IQGAP2: variants seen among roughly 807,000 people sequenced by gnomAD.
IQGAP2 encodes ras GTPase-activating-like protein IQGAP2.
Under a neutral mutation model 201.3 loss-of-function variants are expected in IQGAP2, and 173 were observed. That is an observed-to-expected ratio of 0.86 (90% CI 0.76 to 0.98). The LOEUF (loss-of-function observed/expected upper bound fraction) is 0.98. Ranked by LOEUF, IQGAP2 falls within the 50% of genes least tolerant of loss-of-function variation. IQGAP2 has a pLI of 0.00. For missense variants in IQGAP2, 1,687 were observed against 1,864.8 expected, an observed-to-expected ratio of 0.90 and a Z score of 1.76; for synonymous variants, 675 against 673.9, an observed-to-expected ratio of 1.00 and a Z score of -0.03.
chr5:76,685,086 C>T (rs1031498840), intron 30 of IQGAP2, among the ~76,000 whole-genome samples: 7 of 152,116 alleles, frequency 4.6e-5, no homozygotes, highest in Non-Finnish European at 8.8e-5. Flanking sequence ...GAGCACAGTT[C>T]GACAGTAGGA....
intron 20 of IQGAP2, among the ~76,000 whole-genome samples, chr5:76,656,192 T>C (rs949823849): frequency 1.3e-5 from 2 of 149,426 alleles, no homozygotes; most frequent in African/African-American, 5.0e-5. Flanking sequence ...TTGGGGTTTT[T>C]TGTTGGTTTT....
At chr5:76,575,566 A>C in intron 4 of IQGAP2, 127 bp from the exon 5 acceptor site, 3 of 509,484 alleles carry the variant, frequency 5.9e-6, no homozygotes, top group Non-Finnish European at 6.9e-6. Flanking sequence ...AAGCAATGGC[A>C]GAGAGGTTCC....
At chr5:76,432,420 C>T (rs1343910547) in intron 1 of IQGAP2, among the ~76,000 whole-genome samples, 1 of 152,132 alleles carries the variant, frequency 6.6e-6, no homozygotes, top group Non-Finnish European at 1.5e-5. Context: ...CCACCATGCT[C>T]AGCCCAGGCT....
At chr5:76,597,159 A>G (rs1355626728) in intron 9 of IQGAP2, 3 of 379,498 alleles carry the variant, frequency 7.9e-6, no homozygotes, top group Non-Finnish European at 1.4e-5. Flanking sequence ...AGCTGGTCCT[A>G]TAAGGAAGGA....
At chr5:76,554,130 G>T (rs1743747201) in intron 2 of IQGAP2, among the ~76,000 whole-genome samples, 2 of 152,166 alleles carry the variant, frequency 1.3e-5, no homozygotes, top group African/African-American at 4.8e-5. Flanking sequence ...AACTGGTGGT[G>T]CTGGGACAAC....
chr5:76,436,414 G>GT (rs1370726710), intron 1 of IQGAP2, among the ~76,000 whole-genome samples: 5 of 129,642 alleles, frequency 3.9e-5, no homozygotes, highest in African/African-American at 1.4e-4. Flanking sequence ...TTTGTTGAGG[G>GT]TTTTTATCAT....
At chr5:76,572,448 G>A (rs189149696) in intron 4 of IQGAP2, among the ~76,000 whole-genome samples, 2 of 152,130 alleles carry the variant, frequency 1.3e-5, no homozygotes, top group African/African-American at 2.4e-5. Context: ...ACAGGCGTGA[G>A]CCACTGCACC....
chr5:76,533,052 T>C (rs1453611619), intron 2 of IQGAP2, among the ~76,000 whole-genome samples: 4 of 152,198 alleles, frequency 2.6e-5, no homozygotes, highest in Non-Finnish European at 5.9e-5. Context: ...TGAATGGGGA[T>C]CTCAGTGCAG....
intron 33 of IQGAP2, chr5:76,699,339 T>G (rs1280503960): frequency 6.6e-6 from 1 of 152,252 alleles, no homozygotes; most frequent in Non-Finnish European, 1.5e-5. Flanking sequence ...TGTGTATATA[T>G]ACCACATTTT....
At position 76,529,995 on chromosome 5, in the gene IQGAP2, A is replaced by G. The variant is rs139457866; in HGVS notation, c.147-32401A>G. 5.8e-4 allele frequency among the ~76,000 whole-genome samples: 89 copies of G among 152,268 alleles called. 1 individual carries two copies. The highest frequency in any genetic ancestry group is 3.4e-3 in the Middle Eastern group (1 of 294). On this transcript the variant is annotated intron_variant, in intron 2 of 35. Transcript: ENST00000274364. ...CAGTGGTTGCTTTTTGCAACTATCA[A>G]TCATGATGGTTGTGTAATGCAAATA...
intron 2 of IQGAP2, among the ~76,000 whole-genome samples, chr5:76,482,261 C>G (rs1307117258): frequency 6.6e-6 from 1 of 152,252 alleles, no homozygotes; most frequent in Non-Finnish European, 1.5e-5. Context: ...ACCTCAGCCT[C>G]TGCTTCTGAT....
At chr5:76,680,441 A>G (rs1299044243) in intron 28 of IQGAP2, among the ~76,000 whole-genome samples, 3 of 152,200 alleles carry the variant, frequency 2.0e-5, no homozygotes, top group African/African-American at 7.2e-5. Flanking sequence ...AGTTTCTTAG[A>G]TATGACACCA....
intron 2 of IQGAP2, among the ~76,000 whole-genome samples, chr5:76,520,507 T>C (rs1040167854): frequency 6.6e-6 from 1 of 152,172 alleles, no homozygotes; most frequent in Non-Finnish European, 1.5e-5. Context: ...ACTCTAACTT[T>C]TGTTTTTTCA....
intron 2 of IQGAP2, among the ~76,000 whole-genome samples, chr5:76,506,670 C>A (rs1166628656): frequency 2.0e-5 from 3 of 152,124 alleles, no homozygotes; most frequent in Non-Finnish European, 2.9e-5. Flanking sequence ...GTGATTATAG[C>A]AAGATTGCAA....
At chr5:76,696,784 A>T (rs1454601455) in intron 32 of IQGAP2, among the ~76,000 whole-genome samples, 1 of 152,170 alleles carries the variant, frequency 6.6e-6, no homozygotes, top group Non-Finnish European at 1.5e-5. Flanking sequence ...CTTTTGCTTT[A>T]AAAAAGAAAA....
intron 9 of IQGAP2, 71 bp downstream of exon 9, chr5:76,592,996 C>A: frequency 2.0e-6 from 2 of 1,019,324 alleles, no homozygotes; most frequent in Non-Finnish European, 3.1e-6. Flanking sequence ...AGAATCCCAA[C>A]ACAACTCTCA....
intron 20 of IQGAP2, among the ~76,000 whole-genome samples, chr5:76,655,848 TG>T (rs1356824426): frequency 1.3e-5 from 2 of 152,250 alleles, no homozygotes; most frequent in Non-Finnish European, 2.9e-5. Flanking sequence ...TTTGTTATTT[TG>T]GTTTTTTACA....
intron 21 of IQGAP2, among the ~76,000 whole-genome samples, chr5:76,660,812 CA>C (rs1743185104): frequency 1.3e-5 from 2 of 152,072 alleles, no homozygotes; most frequent in African/African-American, 4.8e-5. Context: ...AAGAACAGAG[CA>C]ATTGAAGCTT....
In IQGAP2 at chr5:76,693,319, A is replaced by C. The variant is rs117019784; in HGVS notation, c.3906-36A>C. 1,271 of 1,454,676 alleles carry C rather than the reference A, an allele frequency of 8.7e-4. 21 individuals are homozygous for C. In the East Asian group the frequency reaches 0.025, roughly 29 times the overall value. 90.1% of individuals were successfully genotyped at this position (1,454,676 alleles called of 1,614,324 possible). ...ACAGATTTTTGTGCATAAGGACTAC[A>C]GTCTGAAAGTCTGTCTCTTTCTCTG... On this transcript the variant is annotated intron_variant, in intron 30 of 35. Transcript: ENST00000274364.
Sources: allele counts gnomAD v4.1 joint callset (sites outside exome capture counted in the v4.1 genomes callset), GRCh38; gene constraint gnomAD v4.1.1; transcripts MANE v1.5; gene names NCBI Gene and HGNC (gene_info 2026-07-23, HGNC 2026-07-21).